The following SETBP1 variants were observed in gnomAD, a reference collection of about 807,000 sequenced individuals.
The protein encoded by SETBP1 is SET binding protein 1, also known as SET-binding protein.
In SETBP1, 9 loss-of-function variants were observed where a neutral mutation model predicts 101.0. The ratio of observed to expected loss-of-function variants is 0.09; its 90% CI spans 0.05 to 0.16. SETBP1 has a LOEUF of 0.16. Among genes scored for constraint, SETBP1 ranks in the 10% least tolerant of loss-of-function variants. The pLI is 1.00. For synonymous variants in SETBP1, 818 were observed against 788.5 expected, an observed-to-expected ratio of 1.04 and a Z score of -0.63; for missense variants, 1,858 against 2,033.8, an observed-to-expected ratio of 0.91 and a Z score of 1.66.
intron 2 of SETBP1, among the ~76,000 whole-genome samples, chr18:44,848,129 TC>T (rs1476487802): frequency 6.6e-6 from 1 of 151,738 alleles, no homozygotes; most frequent in East Asian, 1.9e-4. Flanking sequence ...ACCAGGTGAT[TC>T]TATAGTGCAA....
At chr18:45,049,147 ATTGG>A (rs1435054749) in intron 5 of SETBP1, among the ~76,000 whole-genome samples, 1 of 152,226 alleles carries the variant, frequency 6.6e-6, no homozygotes, top group Non-Finnish European at 1.5e-5. Context: ...TTATTCAGCA[ATTGG>A]TTGGTCATGA....
Position 45,063,939 on chromosome 18 carries a change from G to C in SETBP1, c.*241G>C. On this transcript the variant is annotated 3_prime_UTR_variant, in exon 6 of 6. Transcript: ENST00000649279. ...TTCACCGCAGCTCCCACCACGCGGC[G>C]CTTCAGTACGGCTGGATCCTCCGCA... is the stretch of plus-strand genomic sequence containing the variant. 1 of 465,264 alleles carries C rather than the reference G, an allele frequency of 2.1e-6. No individual in the cohort carries two copies. The highest frequency in any genetic ancestry group is 4.1e-5 in the East Asian group (1 of 24,166). The allele number at this position is 465,264 out of a possible 1,614,324, so 28.8% of individuals were successfully genotyped here.
At position 44,883,354 on chromosome 18, in the gene SETBP1, C is replaced by T. The variant is rs569058446; in HGVS notation, c.540+14071C>T. Among the ~76,000 whole-genome samples, 186 of 152,276 alleles carry T rather than the reference C, an allele frequency of 1.2e-3. 1 individual carries two copies. The highest frequency in any genetic ancestry group is 7.1e-4 in the Non-Finnish European group (48 of 68,018). ...TGTAGCTCAGCCATGAACATAAATT[C>T]GGTTCTTGCAACTAATATTCTTCCT... On this transcript the variant is annotated intron_variant, in intron 3 of 5. Transcript: ENST00000649279.
At chr18:45,013,363 A>G (rs898303565) in intron 4 of SETBP1, among the ~76,000 whole-genome samples, 2 of 152,222 alleles carry the variant, frequency 1.3e-5, no homozygotes, top group South Asian at 2.1e-4. Flanking sequence ...GCTGGAGTCC[A>G]TTTAGACACA....
At chr18:44,759,860 C>CA (rs1195471034) in intron 2 of SETBP1, among the ~76,000 whole-genome samples, 1 of 152,114 alleles carries the variant, frequency 6.6e-6, no homozygotes, top group Non-Finnish European at 1.5e-5. Context: ...AAGCAGCAAC[C>CA]AAAAAACTCC....
chr18:44,760,566 T>C (rs187825589), intron 2 of SETBP1, among the ~76,000 whole-genome samples: 13 of 152,356 alleles, frequency 8.5e-5, no homozygotes, highest in Non-Finnish European at 8.8e-5. Flanking sequence ...AGAACCATTC[T>C]GGCTGACACA....
At chr18:44,988,078 T>G (rs1432942229) in intron 4 of SETBP1, 1 of 152,188 alleles carries the variant, frequency 6.6e-6, no homozygotes, top group African/African-American at 2.4e-5. Flanking sequence ...TGCTGAAAAG[T>G]ATGCACCCTT....
chr18:44,887,909 C>A (rs1351229210), intron 3 of SETBP1, among the ~76,000 whole-genome samples: 2 of 152,082 alleles, frequency 1.3e-5, no homozygotes, highest in East Asian at 3.9e-4. Flanking sequence ...TTGTAAATAC[C>A]TGGAACCCAG....
At chr18:44,964,147 T>C (rs1368365908) in intron 4 of SETBP1, among the ~76,000 whole-genome samples, 1 of 152,172 alleles carries the variant, frequency 6.6e-6, no homozygotes, top group Non-Finnish European at 1.5e-5. Context: ...TCACGTCTTA[T>C]ATTGCAAGTA....
At chr18:44,738,814 C>T (rs577405515) in intron 2 of SETBP1, among the ~76,000 whole-genome samples, 38 of 150,990 alleles carry the variant, frequency 2.5e-4, no homozygotes, top group African/African-American at 8.7e-4. Context: ...ACGGTATACA[C>T]GAACACACAC....
intron 4 of SETBP1, among the ~76,000 whole-genome samples, chr18:44,971,227 A>G (rs2145193828): frequency 6.6e-6 from 1 of 152,192 alleles, no homozygotes; most frequent in East Asian, 1.9e-4. Context: ...ATGGCTGCAT[A>G]GTATTCCATG....
intron 3 of SETBP1, among the ~76,000 whole-genome samples, chr18:44,933,248 C>T (rs961298086): frequency 2.6e-5 from 4 of 152,202 alleles, no homozygotes; most frequent in African/African-American, 7.2e-5. Context: ...GTATCACCAG[C>T]GGAGGCTGCA....
At chr18:44,819,739 T>G (rs991935391) in intron 2 of SETBP1, among the ~76,000 whole-genome samples, 5 of 152,192 alleles carry the variant, frequency 3.3e-5, no homozygotes, top group African/African-American at 4.8e-5. Context: ...TTGGTCTGCT[T>G]TGGCTTACAT....
At chr18:45,048,493 A>G (rs1033812468) in intron 5 of SETBP1, among the ~76,000 whole-genome samples, 14 of 152,168 alleles carry the variant, frequency 9.2e-5, no homozygotes, top group Admixed American at 2.6e-4. Flanking sequence ...AATGATATGT[A>G]TCCTCACTCC....
intron 2 of SETBP1, among the ~76,000 whole-genome samples, chr18:44,804,879 AG>A (rs1468059587): frequency 1.3e-5 from 2 of 152,074 alleles, no homozygotes; most frequent in Non-Finnish European, 2.9e-5. Flanking sequence ...AACATCCTTA[AG>A]GGCCCTGTGC....
intron 3 of SETBP1, among the ~76,000 whole-genome samples, chr18:44,932,700 A>G (rs563926933): frequency 6.6e-6 from 1 of 152,028 alleles, no homozygotes; most frequent in East Asian, 1.9e-4. Flanking sequence ...TTGATCTTCC[A>G]TCACTGATAC....
At chr18:44,942,054 A>T (rs2071099782) in intron 3 of SETBP1, among the ~76,000 whole-genome samples, 1 of 152,022 alleles carries the variant, frequency 6.6e-6, no homozygotes, top group Non-Finnish European at 1.5e-5. Context: ...TTCTTTAAAG[A>T]GTTTTGACTT....
At chr18:44,842,106 A>G (rs989296384) in intron 2 of SETBP1, among the ~76,000 whole-genome samples, 4 of 152,212 alleles carry the variant, frequency 2.6e-5, no homozygotes, top group Non-Finnish European at 4.4e-5. Flanking sequence ...GAGAAAAGAA[A>G]AGAAGAGAGC....
chr18:44,749,094 A>C (rs1269707001), intron 2 of SETBP1, among the ~76,000 whole-genome samples: 1 of 152,204 alleles, frequency 6.6e-6, no homozygotes, highest in East Asian at 1.9e-4. Flanking sequence ...AAGAGCAGCA[A>C]CTTAGGATCT....
Sources: gnomAD v4.1 joint callset for allele counts (sites outside exome capture counted in the v4.1 genomes callset) on GRCh38, gnomAD v4.1.1 for gene constraint, MANE v1.5 for transcripts, NCBI Gene and HGNC (gene_info 2026-07-23, HGNC 2026-07-21) for gene names.